Variants in PTPRT observed in about 807,000 individuals in gnomAD.
The protein encoded by PTPRT is protein tyrosine phosphatase receptor type T.
A neutral mutation model predicts 176.8 loss-of-function variants in PTPRT; 56 were observed. That is an observed-to-expected ratio of 0.32 (90% CI 0.26 to 0.40). The LOEUF (loss-of-function observed/expected upper bound fraction) is 0.40. Ranked by LOEUF, PTPRT falls within the 10% of genes least tolerant of loss-of-function variation. PTPRT has a pLI of 1.00. For missense variants in PTPRT, 1,540 were observed against 1,908.2 expected (o/e 0.81, Z 3.60); for synonymous variants, 783 against 739.0 (o/e 1.06, Z -0.96).
At chr20:42,970,879 G>A (rs762042448) in intron 1 of PTPRT, 5 of 152,098 alleles carry the variant, frequency 3.3e-5, no homozygotes, top group Admixed American at 6.5e-5. Flanking sequence ...TTTTTCCTCT[G>A]GTCTCCAGAG....
the PTPRT span, among the ~76,000 whole-genome samples, chr20:42,057,187 T>G: frequency 6.6e-6 from 1 of 152,244 alleles, no homozygotes. Context: ...AACAGTGGGC[T>G]GAGTCTTGGA....
chr20:42,267,410 C>T (rs767200055), intron 13 of PTPRT, among the ~76,000 whole-genome samples: 4 of 152,138 alleles, frequency 2.6e-5, no homozygotes, highest in Non-Finnish European at 4.4e-5. Context: ...GAGAAGGATC[C>T]GTATTGAGTT....
chr20:42,464,488 C>T (rs1230010139), intron 8 of PTPRT, among the ~76,000 whole-genome samples: 1 of 152,192 alleles, frequency 6.6e-6, no homozygotes, highest in African/African-American at 2.4e-5. Context: ...ATTTACTCCT[C>T]TTCTGCACAA....
At chr20:42,387,200 C>G (rs1263661890) in intron 9 of PTPRT, among the ~76,000 whole-genome samples, 1 of 152,164 alleles carries the variant, frequency 6.6e-6, no homozygotes, top group African/African-American at 2.4e-5. Flanking sequence ...AAATATCATT[C>G]CAATAAAAAT....
In PTPRT at chr20:42,756,591, T is replaced by C; in HGVS notation, c.730A>G (p.Asn244Asp). ...DTALMVTRVV[N>D]HRRFSATVSV... ...ACTGTGGCTGAGAAGCGCCTGTGGTTGACCACACGGGTGACCATCAGGGCC... is the reference window on the plus strand; with the variant it reads ...ACTGTGGCTGAGAAGCGCCTGTGGTCGACCACACGGGTGACCATCAGGGCC... Residue 244 changes from asparagine to aspartate, a missense_variant, in exon 6 of 31, where the codon AAC becomes GAC. Transcript: ENST00000373187. 6.2e-7 allele frequency: 1 copy of C among 1,611,040 alleles called. No homozygotes were observed.
intron 11 of PTPRT, among the ~76,000 whole-genome samples, chr20:42,316,880 C>T (rs2057727796): frequency 6.6e-6 from 1 of 152,194 alleles, no homozygotes; most frequent in South Asian, 2.1e-4. Context: ...GGATGAATTA[C>T]CTCCCTCTTT....
At chr20:42,096,166 T>G (rs1985200907) in intron 27 of PTPRT, among the ~76,000 whole-genome samples, 1 of 152,218 alleles carries the variant, frequency 6.6e-6, no homozygotes, top group Admixed American at 6.5e-5. Context: ...CTACCTTTAT[T>G]GTCTACACAT....
intron 2 of PTPRT, among the ~76,000 whole-genome samples, chr20:42,797,560 C>T (rs1415661478): frequency 3.4e-5 from 5 of 146,332 alleles, no homozygotes; most frequent in Non-Finnish European, 7.6e-5. Flanking sequence ...CAAACACAGT[C>T]CTCGGCCACT....
chr20:43,095,146 T>C (rs73265844), intron 1 of PTPRT, among the ~76,000 whole-genome samples: 3,105 of 152,136 alleles, frequency 0.02, 119 homozygotes, highest in African/African-American at 0.07. Context: ...ACCTCTGCCT[T>C]GGGAGAGACA....
chr20:42,814,663 C>T lies in PTPRT; in HGVS notation c.215-23197G>A, dbSNP rs187142142. Among the ~76,000 whole-genome samples, 39 of 152,238 alleles carry T rather than the reference C, an allele frequency of 2.6e-4. No individual in the cohort carries two copies. In the East Asian group the frequency reaches 7.4e-3, roughly 29 times the overall value. On this transcript the variant is annotated intron_variant, in intron 2 of 30. Coordinates refer to ENST00000373187, the MANE Select transcript of PTPRT (RefSeq NM_007050.6). The stretch of plus-strand genomic sequence containing the variant: ...AATGTCATGACTGCCATCTTTAGTG[C>T]CATGTTTCATCAGGAGGTGGGTGAC...
chr20:42,219,023 G>A (rs2055828098), intron 15 of PTPRT, among the ~76,000 whole-genome samples: 1 of 152,128 alleles, frequency 6.6e-6, no homozygotes, highest in Non-Finnish European at 1.5e-5. Flanking sequence ...GCAGGGAGAA[G>A]AATAAACAGA....
chr20:42,733,362 G>A (rs959583747), intron 6 of PTPRT, among the ~76,000 whole-genome samples: 12 of 152,210 alleles, frequency 7.9e-5, no homozygotes, highest in African/African-American at 2.7e-4. Flanking sequence ...CACATTACAG[G>A]AAGGAATTCC....
intron 7 of PTPRT, among the ~76,000 whole-genome samples, chr20:42,638,338 T>G (rs926158983): frequency 2.0e-5 from 3 of 152,074 alleles, no homozygotes; most frequent in African/African-American, 4.8e-5. Context: ...GAACATCTAC[T>G]TTGCCCTGCC....
chr20:42,417,005 A>G (rs1325461786), intron 9 of PTPRT, among the ~76,000 whole-genome samples: 1 of 152,124 alleles, frequency 6.6e-6, no homozygotes, highest in Non-Finnish European at 1.5e-5. Flanking sequence ...GTGCTATAGT[A>G]AAAATGGAAA....
At chr20:42,239,388 A>C (rs1016798486) in intron 14 of PTPRT, among the ~76,000 whole-genome samples, 21 of 149,966 alleles carry the variant, frequency 1.4e-4, no homozygotes, top group African/African-American at 4.6e-4. Flanking sequence ...CAACATGGCT[A>C]TAAAGCTTGT....
At position 42,119,969 on chromosome 20, in the gene PTPRT, T is replaced by C. The variant is rs36105887; in HGVS notation, c.2850A>G (p.Gly950=). The C allele has an allele frequency of 4.7e-4, 758 of 1,608,212 alleles. 4 individuals carry two copies. The highest frequency in any genetic ancestry group is 9.1e-5 in the Non-Finnish European group (107 of 1,177,320). The change falls in exon 20 of 31, where the codon GGA becomes GGG. Residue 950 remains glycine (G), a splice_region_variant and synonymous_variant. Transcript: ENST00000373187. The part of the protein sequence containing the change: ...SDYINANYID[G]YHRPRHYIAT... ...CAATGTAGTGCCGAGGTCGATGGTA[T>C]CCCTGGATAACAGGAGAAAAGCACT...
intron 7 of PTPRT, among the ~76,000 whole-genome samples, chr20:42,634,032 T>TTA (rs1279316052): frequency 1.5e-4 from 4 of 27,490 alleles, no homozygotes; most frequent in Non-Finnish European, 1.2e-4. Flanking sequence ...AATATATATA[T>TTA]TATATATATT....
At chr20:42,442,269 G>A (rs952761627) in intron 9 of PTPRT, among the ~76,000 whole-genome samples, 2 of 152,162 alleles carry the variant, frequency 1.3e-5, no homozygotes, top group Non-Finnish European at 2.9e-5. Context: ...TCCTTGTAAT[G>A]CACTCTGATG....
intron 15 of PTPRT, among the ~76,000 whole-genome samples, chr20:42,231,632 C>T (rs1241547577): frequency 6.6e-6 from 1 of 152,152 alleles, no homozygotes; most frequent in Admixed American, 6.5e-5. Context: ...TCACACTCTT[C>T]CTACGCTCAA....
Sources: gnomAD v4.1 joint callset for allele counts (sites outside exome capture counted in the v4.1 genomes callset) on GRCh38, gnomAD v4.1.1 for gene constraint, MANE v1.5 for transcripts, NCBI Gene and HGNC (gene_info 2026-07-23, HGNC 2026-07-21) for gene names.